The following SLC9A9 variants were observed in gnomAD, a reference collection of about 807,000 sequenced individuals.
The protein encoded by SLC9A9 is sodium/hydrogen exchanger 9.
Under a neutral mutation model 77.8 loss-of-function variants are expected in SLC9A9, and 62 were observed. That is an observed-to-expected ratio of 0.80 (90% CI 0.65 to 0.98). SLC9A9 has a LOEUF of 0.98. Among genes scored for constraint, SLC9A9 ranks in the 50% least tolerant of loss-of-function variants. The probability of loss-of-function intolerance (pLI) is 0.00; values close to 1 mark genes in which losing one functional copy is unlikely to be tolerated. For synonymous variants in SLC9A9, 320 were observed against 283.5 expected (o/e 1.13, Z -1.29); for missense variants, 775 against 774.9 (o/e 1.00, Z 0.00).
At chr3:143,386,565 C>G (rs925955453) in intron 12 of SLC9A9, among the ~76,000 whole-genome samples, 6 of 152,126 alleles carry the variant, frequency 3.9e-5, no homozygotes, top group Admixed American at 6.5e-5. Flanking sequence ...AGCTTAGGAC[C>G]TGTTATATAG....
At chr3:143,504,524 G>A (rs9844871) in intron 9 of SLC9A9, among the ~76,000 whole-genome samples, 42,046 of 152,000 alleles carry the variant, frequency 0.28, 6,513 homozygotes, top group Non-Finnish European at 0.36. Context: ...CGGTTCCCCA[G>A]TGACGCTTCC....
chr3:143,472,412 G>T (rs776883102), intron 11 of SLC9A9, among the ~76,000 whole-genome samples: 2 of 152,162 alleles, frequency 1.3e-5, no homozygotes, highest in Non-Finnish European at 2.9e-5. Flanking sequence ...AGACCTTTGT[G>T]TACATAATTT....
chr3:143,598,320 C>T (rs983654242), intron 6 of SLC9A9, among the ~76,000 whole-genome samples: 1 of 152,126 alleles, frequency 6.6e-6, no homozygotes, highest in Admixed American at 6.5e-5. Flanking sequence ...ACGAAATAAG[C>T]CCAGATGTAA....
chr3:143,585,186 C>CT (rs2037521423), intron 6 of SLC9A9, among the ~76,000 whole-genome samples: 1 of 152,130 alleles, frequency 6.6e-6, no homozygotes. Flanking sequence ...GGGTCAGTAG[C>CT]CACTTGGGCA....
intron 5 of SLC9A9, among the ~76,000 whole-genome samples, chr3:143,662,553 G>A (rs2038995349): frequency 6.6e-6 from 1 of 152,162 alleles, no homozygotes; most frequent in African/African-American, 2.4e-5. Context: ...TCCTACCCAA[G>A]GGAAGCCATG....
intron 6 of SLC9A9, among the ~76,000 whole-genome samples, chr3:143,623,943 A>T (rs2038270181): frequency 6.6e-6 from 1 of 152,222 alleles, no homozygotes; most frequent in South Asian, 2.1e-4. Flanking sequence ...ACCACCACCG[A>T]TCCCACAGAA....
chr3:143,774,826 T>C (rs796609781), intron 4 of SLC9A9, among the ~76,000 whole-genome samples: 60 of 152,270 alleles, frequency 3.9e-4, no homozygotes, highest in African/African-American at 1.4e-3. Flanking sequence ...TGGGTGAAAA[T>C]GACCCAGTGC....
At position 143,777,090 on chromosome 3, in the gene SLC9A9, C is replaced by CT. The variant is rs199537291; in HGVS notation, c.533+17910dup. 3.9e-3 allele frequency among the ~76,000 whole-genome samples: 596 copies of CT among 152,256 alleles called. 22 individuals carry two copies. Among genetic ancestry groups the CT allele is most frequent in the Admixed American group, 0.029 (442 of 15,294 alleles). ...TAAAGGGCATTTTGTGGCCTCTTCT[C>CT]TGACCCCATTCTCTCTCAGAAATAC... is the stretch of plus-strand genomic sequence containing the variant. On this transcript the variant is annotated intron_variant, in intron 4 of 15. Transcript: ENST00000316549.
intron 12 of SLC9A9, among the ~76,000 whole-genome samples, chr3:143,426,911 T>C (rs559082205): frequency 2.5e-4 from 38 of 152,292 alleles, no homozygotes; most frequent in Non-Finnish European, 4.7e-4. Flanking sequence ...AACTAGGCCA[T>C]GGCTATAGAA....
At chr3:143,648,546 C>T (rs950963669) in intron 6 of SLC9A9, among the ~76,000 whole-genome samples, 24 of 152,278 alleles carry the variant, frequency 1.6e-4, no homozygotes, top group African/African-American at 5.3e-4. Flanking sequence ...AGACCAGTGC[C>T]GGTCCACAGC....
intron 4 of SLC9A9, among the ~76,000 whole-genome samples, chr3:143,762,253 A>G (rs972431126): frequency 1.3e-5 from 2 of 152,206 alleles, no homozygotes; most frequent in Admixed American, 1.3e-4. Context: ...TGACGAGTTA[A>G]TGGGTGCAGC....
chr3:143,698,950 G>A (rs1217620845), intron 4 of SLC9A9, among the ~76,000 whole-genome samples: 1 of 152,190 alleles, frequency 6.6e-6, no homozygotes, highest in Non-Finnish European at 1.5e-5. Context: ...TGAAAGTTAT[G>A]ATCTACATCT....
At chr3:143,280,112 G>C (rs922540653) in intron 14 of SLC9A9, among the ~76,000 whole-genome samples, 1 of 151,936 alleles carries the variant, frequency 6.6e-6, no homozygotes, top group African/African-American at 2.4e-5. Flanking sequence ...TGAGTCACCA[G>C]GGCCTGCCTA....
At chr3:143,647,679 C>T (rs2038727563) in intron 6 of SLC9A9, among the ~76,000 whole-genome samples, 1 of 152,218 alleles carries the variant, frequency 6.6e-6, no homozygotes, top group African/African-American at 2.4e-5. Context: ...CTTAGCAACT[C>T]CACATAGCAT....
At chr3:143,425,750 T>C (rs1198662918) in intron 12 of SLC9A9, among the ~76,000 whole-genome samples, 1 of 152,216 alleles carries the variant, frequency 6.6e-6, no homozygotes, top group African/African-American at 2.4e-5. Flanking sequence ...TGAGAACAGA[T>C]AGCCTCTGAC....
chr3:143,784,447 G>C (rs930697283), intron 4 of SLC9A9, among the ~76,000 whole-genome samples: 1 of 151,956 alleles, frequency 6.6e-6, no homozygotes, highest in African/African-American at 2.4e-5. Flanking sequence ...TGATACTCTG[G>C]CATGTTTCAT....
At chr3:143,690,582 C>T (rs971451785) in intron 5 of SLC9A9, among the ~76,000 whole-genome samples, 8 of 152,026 alleles carry the variant, frequency 5.3e-5, no homozygotes, top group African/African-American at 1.9e-4. Flanking sequence ...TAAAAGCATA[C>T]AGGAGAAAGT....
intron 1 of SLC9A9, among the ~76,000 whole-genome samples, chr3:143,837,471 C>A (rs933064743): frequency 1.6e-4 from 25 of 152,148 alleles, no homozygotes. Context: ...CAAGAATAAT[C>A]TAGATTCATG....
chr3:143,597,615 C>T (rs1249876871), intron 6 of SLC9A9, among the ~76,000 whole-genome samples: 1 of 152,180 alleles, frequency 6.6e-6, no homozygotes, highest in Admixed American at 6.5e-5. Flanking sequence ...TGTGGCCCCC[C>T]GAGGGTTCTT....
Sources: allele counts gnomAD v4.1 joint callset (sites outside exome capture counted in the v4.1 genomes callset), GRCh38; gene constraint gnomAD v4.1.1; transcripts MANE v1.5; gene names NCBI Gene and HGNC (gene_info 2026-07-23, HGNC 2026-07-21).